The following FUT8 variants were observed in gnomAD, a reference collection of about 807,000 sequenced individuals.
FUT8 encodes the protein alpha-(1,6)-fucosyltransferase.
In FUT8, 29 loss-of-function variants were observed where a neutral mutation model predicts 71.3. That is an observed-to-expected ratio of 0.41 (90% CI 0.30 to 0.55). FUT8 has a LOEUF of 0.55. FUT8 is among the 20% of genes least tolerant of loss of function. FUT8 has a pLI of 0.34. For missense variants in FUT8, 544 were observed against 702.1 expected (o/e 0.77, Z 2.55); for synonymous variants, 254 against 239.3 (o/e 1.06, Z -0.57).
At chr14:65,693,203 C>A (rs1166061792) in intron 7 of FUT8, among the ~76,000 whole-genome samples, 2 of 152,244 alleles carry the variant, frequency 1.3e-5, no homozygotes, top group Non-Finnish European at 2.9e-5. Context: ...CCACTGCACT[C>A]CAGCCTGGGC....
At chr14:65,709,495 A>G (rs1056873463) in intron 7 of FUT8, among the ~76,000 whole-genome samples, 2 of 152,156 alleles carry the variant, frequency 1.3e-5, no homozygotes, top group South Asian at 2.1e-4. Flanking sequence ...TGGTATTAAG[A>G]TATCTTTAAT....
intron 2 of FUT8, among the ~76,000 whole-genome samples, chr14:65,548,644 A>T (rs1885110600): frequency 6.6e-6 from 1 of 152,106 alleles, no homozygotes; most frequent in Non-Finnish European, 1.5e-5. Context: ...AGGAGAAAAT[A>T]TATGGGACTT....
intron 3 of FUT8, among the ~76,000 whole-genome samples, chr14:65,594,213 C>T (rs1887840814): frequency 6.6e-6 from 1 of 152,074 alleles, no homozygotes; most frequent in African/African-American, 2.4e-5. Flanking sequence ...CAAACGAGTA[C>T]AGGAACCCAA....
chr14:65,438,016 T>C (rs1252177711), intron 1 of FUT8, among the ~76,000 whole-genome samples: 1 of 152,208 alleles, frequency 6.6e-6, no homozygotes, highest in Non-Finnish European at 1.5e-5. Flanking sequence ...TTTAAAACTT[T>C]GACCCAAACT....
At chr14:65,601,785 T>A (rs1888300051) in intron 3 of FUT8, among the ~76,000 whole-genome samples, 1 of 152,156 alleles carries the variant, frequency 6.6e-6, no homozygotes, top group South Asian at 2.1e-4. Flanking sequence ...TTATTTTTTA[T>A]CTAATTTTAT....
At position 65,467,883 on chromosome 14, in the gene FUT8, C is replaced by G. The variant is rs1483594701; in HGVS notation, c.-228+12165C>G. 5 of 780,464 alleles carry G rather than the reference C, an allele frequency of 6.4e-6. No homozygotes were observed. The highest frequency in any genetic ancestry group is 2.9e-4 in the Middle Eastern group (1 of 3,504). The allele number at this position is 780,464 out of a possible 1,614,324, so 48.3% of individuals were successfully genotyped here. On this transcript the variant is annotated intron_variant, in intron 2 of 10. Coordinates refer to ENST00000673929, the MANE Select transcript of FUT8 (RefSeq NM_001371533.1). This position sits in a 1 kb window ranked among gnomAD's most constrained non-coding sequence, Gnocchi z 4.1. ...ACTGGTTCTCACAAAGTGTGCTTCTCTGGATGGAGCAGGCTGGTGCTTCAG... is the reference window on the plus strand; with the variant it reads ...ACTGGTTCTCACAAAGTGTGCTTCTGTGGATGGAGCAGGCTGGTGCTTCAG...
At chr14:65,362,285 T>C in the FUT8 span, among the ~76,000 whole-genome samples, 1 of 152,238 alleles carries the variant, frequency 6.6e-6, no homozygotes, top group Non-Finnish European at 1.5e-5. Context: ...AACGCTGTCT[T>C]CTAAGGAGCA....
chr14:65,715,666 G>A (rs575945146), intron 7 of FUT8, among the ~76,000 whole-genome samples: 26 of 152,138 alleles, frequency 1.7e-4, no homozygotes, highest in East Asian at 1.2e-3. Flanking sequence ...TTCCATGATC[G>A]TTTGTTTCAA....
chr14:65,511,989 C>A (rs1400805451), intron 2 of FUT8, among the ~76,000 whole-genome samples: 2 of 152,030 alleles, frequency 1.3e-5, no homozygotes, highest in Admixed American at 6.6e-5. Flanking sequence ...TCTTTCCTTC[C>A]TGTCTTCCTG....
At chr14:65,415,610 A>T (rs2065208049) in intron 1 of FUT8, among the ~76,000 whole-genome samples, 1 of 152,106 alleles carries the variant, frequency 6.6e-6, no homozygotes, top group Admixed American at 6.5e-5. Context: ...CGAAGCTTCA[A>T]GTAGAATCTT....
At chr14:65,470,421 G>A (rs1344312525) in intron 2 of FUT8, among the ~76,000 whole-genome samples, 2 of 152,178 alleles carry the variant, frequency 1.3e-5, no homozygotes, top group African/African-American at 4.8e-5. Context: ...AGGCTTGGGT[G>A]GCTTGGGCTG....
chr14:65,468,353 A>G, intron 2 of FUT8: 1 of 563,764 alleles, frequency 1.8e-6, no homozygotes, highest in South Asian at 1.5e-5. Flanking sequence ...CTTTTGGCGA[A>G]TTACTGGAAG....
intron 7 of FUT8, among the ~76,000 whole-genome samples, chr14:65,696,840 A>G (rs8010643): frequency 0.011 from 1,603 of 152,270 alleles, 29 homozygotes; most frequent in African/African-American, 0.037. Flanking sequence ...TACTGAGGCC[A>G]TTAAAGGCAT....
the FUT8 span, among the ~76,000 whole-genome samples, chr14:65,404,229 T>C: frequency 6.6e-6 from 1 of 152,018 alleles, no homozygotes; most frequent in African/African-American, 2.4e-5. Context: ...TGGAGTGCAG[T>C]GGTGTGATCT....
upstream of FUT8, among the ~76,000 whole-genome samples, chr14:65,409,077 T>C (rs923236368): frequency 6.6e-6 from 1 of 152,222 alleles, no homozygotes; most frequent in Non-Finnish European, 1.5e-5. The surrounding 1 kb of genome is among the most constrained non-coding windows in gnomAD (Gnocchi z 5.4). Flanking sequence ...ACTTACCTAG[T>C]CCAACCCTTT....
intron 2 of FUT8, among the ~76,000 whole-genome samples, chr14:65,545,952 T>G (rs1221874843): frequency 6.6e-6 from 1 of 151,904 alleles, no homozygotes; most frequent in Non-Finnish European, 1.5e-5. Context: ...GGTGATGATT[T>G]GCTGAAAAAA....
chr14:65,576,696 C>CTTTTTTTTTTTTTT (rs376473739), intron 3 of FUT8, among the ~76,000 whole-genome samples: 7 of 96,216 alleles, frequency 7.3e-5, no homozygotes, highest in Non-Finnish European at 1.3e-4. Context: ...GCCCAGCTTG[C>CTTTTTTTTTTTTTT]TTTTTTTTTT....
rs1011129120 is a variant in FUT8 at position 65,489,571 on chromosome 14, T to C, written c.-228+33853T>C. The stretch of plus-strand genomic sequence containing the variant: ...ATAGATTTGTGATTAAAAAAATAGT[T>C]CCCTATTTGAATAATTGTCCAGGAA... On this transcript the variant is annotated intron_variant, in intron 2 of 10. Transcript: ENST00000673929. The surrounding 1 kb of genome is among the most constrained non-coding windows in gnomAD (Gnocchi z 4.0). Among the ~76,000 whole-genome samples the C allele has an allele frequency of 6.6e-6, 1 of 152,116 alleles. No individual in the cohort carries two copies. Among genetic ancestry groups the C allele is most frequent in the Non-Finnish European group, 1.5e-5 (1 of 67,994 alleles).
intron 6 of FUT8, among the ~76,000 whole-genome samples, chr14:65,654,845 A>G (rs534350650): frequency 3.3e-4 from 50 of 152,216 alleles, no homozygotes; most frequent in African/African-American, 1.2e-3. Context: ...TAAACATACC[A>G]GTTAAGAAAG....
Sources: gnomAD v4.1 joint callset for allele counts (sites outside exome capture counted in the v4.1 genomes callset) on GRCh38, gnomAD v4.1.1 for gene constraint, Gnocchi (gnomAD v3.1) non-coding constraint, MANE v1.5 for transcripts, NCBI Gene and HGNC (gene_info 2026-07-23, HGNC 2026-07-21) for gene names.